The following RNF2 variants were observed in gnomAD, a reference collection of about 807,000 sequenced individuals.
RNF2 encodes E3 ubiquitin-protein ligase RING2.
Under a neutral mutation model 37.2 loss-of-function variants are expected in RNF2, and 6 were observed. The observed-to-expected ratio is 0.16, with a 90% CI of 0.09 to 0.32. RNF2 has a LOEUF of 0.32. RNF2 is among the 10% of genes least tolerant of loss of function. The pLI, the probability that RNF2 is intolerant of heterozygous loss-of-function variation, is 1.00. For missense variants in RNF2, 251 were observed against 404.0 expected (o/e 0.62, Z 3.25); for synonymous variants, 133 against 132.7 (o/e 1.00, Z -0.02).
intron 1 of RNF2, among the ~76,000 whole-genome samples, chr1:185,059,840 C>T (rs1300749657): frequency 6.6e-6 from 1 of 152,106 alleles, no homozygotes; most frequent in African/African-American, 2.4e-5. Context: ...TGGGTTATTC[C>T]AGTTCCTGTT....
intron 1 of RNF2, among the ~76,000 whole-genome samples, chr1:185,079,930 GAA>G (rs372875470): frequency 1.4e-5 from 2 of 142,102 alleles, no homozygotes; most frequent in African/African-American, 2.6e-5. Context: ...GACTGTCTCA[GAA>G]AAAAAAAAAA....
chr1:185,087,165 T>C (rs549005003), intron 1 of RNF2, among the ~76,000 whole-genome samples: 38 of 152,340 alleles, frequency 2.5e-4, no homozygotes, highest in African/African-American at 8.9e-4. Context: ...CCTATCTTAA[T>C]CCATTTAGCC....
Position 185,045,667 on chromosome 1 carries a change from G to C in RNF2, c.-3+18G>C, listed in dbSNP as rs551228087. 22 of 152,654 alleles carry C rather than the reference G, an allele frequency of 1.4e-4. No homozygotes were observed. Among genetic ancestry groups the C allele is most frequent in the African/African-American group, 5.3e-4 (22 of 41,562 alleles). 9.5% of individuals were successfully genotyped at this position (152,654 alleles called of 1,614,324 possible). ...AGGAGCCGGTGAGTGGGGCGGGCGG[G>C]GAGGCGAAGGACGCGGAAGCAGCGG... On this transcript the variant is annotated intron_variant, in intron 1 of 6. Transcript: ENST00000367510.
Position 185,101,118 on chromosome 1 carries a change from G to T in RNF2, c.*817G>T, listed in dbSNP as rs750050569. 2 of 152,390 alleles carry T rather than the reference G, an allele frequency of 1.3e-5. No individual in the cohort carries two copies. Among genetic ancestry groups the T allele is most frequent in the Non-Finnish European group, 2.9e-5 (2 of 67,950 alleles). The allele number at this position is 152,390 out of a possible 1,614,324, so 9.4% of individuals were successfully genotyped here. On this transcript the variant is annotated 3_prime_UTR_variant, in exon 7 of 7. Coordinates refer to ENST00000367510, the MANE Select transcript of RNF2 (RefSeq NM_007212.4). ...TGTCACTTCATTTCCTGTATTATAT[G>T]TGATGTTTTTCCCCATTAAAATACC... is the stretch of plus-strand genomic sequence containing the variant.
chr1:185,079,405 G>A (rs1027491390), intron 1 of RNF2, among the ~76,000 whole-genome samples: 4 of 152,096 alleles, frequency 2.6e-5, no homozygotes, highest in Non-Finnish European at 5.9e-5. Context: ...AAATAGGTCA[G>A]TTTTCTAGAA....
rs557605878 is a variant in RNF2, at chr1:185,096,561, G to T, written c.465-1511G>T. On this transcript the variant is annotated intron_variant, in intron 4 of 6. Transcript: ENST00000367510. ...ATCGTGCTGTATTTGTACTTTTGGG[G>T]TTTTTTTTTTGTTGTTGTTATTTAC... Among the ~76,000 whole-genome samples, 49 of 146,746 alleles carry T rather than the reference G, an allele frequency of 3.3e-4. 1 individual carries two copies. In the East Asian group the frequency reaches 5.0e-3, roughly 15 times the overall value.
intron 3 of RNF2, 35 bp downstream of exon 3, chr1:185,091,774 A>G (rs369869181): frequency 3.1e-5 from 48 of 1,542,540 alleles, no homozygotes; most frequent in Non-Finnish European, 2.3e-5. Flanking sequence ...TAGGTACTTA[A>G]TTGTACCACG....
In RNF2 at chr1:185,100,271, T is replaced by G; in HGVS notation, c.981T>G (p.Leu327=). The G allele has an allele frequency of 1.9e-6, 3 of 1,612,042 alleles. No homozygotes were observed. The highest frequency in any genetic ancestry group is 2.5e-6 in the Non-Finnish European group (3 of 1,179,284). ...GGAAAGTGAACAAACCCATGGAACT[T>G]TATTACGCACCTACAAAGGAGCACA... ...KYWKVNKPME[L]YYAPTKEHK is the part of the protein sequence containing the mutation. Residue 327 remains leucine, a synonymous_variant, in exon 7 of 7, where the codon CTT becomes CTG. Transcript: ENST00000367510.
chr1:185,066,768 G>T (rs1359881105), intron 1 of RNF2, among the ~76,000 whole-genome samples: 2 of 152,280 alleles, frequency 1.3e-5, no homozygotes, highest in East Asian at 3.9e-4. Context: ...CTTGATAGGT[G>T]TATCTTAAAA....
At chr1:185,075,828 CGAA>C (rs1651133380) in intron 1 of RNF2, among the ~76,000 whole-genome samples, 3 of 152,188 alleles carry the variant, frequency 2.0e-5, no homozygotes, top group African/African-American at 7.2e-5. Context: ...GAGATTTGGG[CGAA>C]GCCACAAATC....
chr1:185,049,546 C>T (rs1224125719), intron 1 of RNF2, among the ~76,000 whole-genome samples: 1 of 151,746 alleles, frequency 6.6e-6, no homozygotes, highest in African/African-American at 2.4e-5. Context: ...AGTGAAGCAA[C>T]AAGATATCTG....
chr1:185,092,161 C>G (rs1389175552), intron 3 of RNF2, among the ~76,000 whole-genome samples: 1 of 150,832 alleles, frequency 6.6e-6, no homozygotes, highest in Non-Finnish European at 1.5e-5. Flanking sequence ...TCTCCTTTTT[C>G]TTCTTTCCCC....
intron 1 of RNF2, among the ~76,000 whole-genome samples, chr1:185,055,492 C>A (rs940909615): frequency 2.6e-5 from 4 of 152,182 alleles, no homozygotes; most frequent in African/African-American, 9.6e-5. Context: ...GCTATCTCAG[C>A]TCACTGCAGC....
At chr1:185,091,417 C>A in intron 2 of RNF2, 162 bp from the exon 3 acceptor site, 1 of 188,738 alleles carries the variant, frequency 5.3e-6, no homozygotes, top group Non-Finnish European at 9.9e-6. Context: ...GAGCTGTAGG[C>A]GATTATAGTT....
At chr1:185,065,090 T>C (rs1650760117) in intron 1 of RNF2, among the ~76,000 whole-genome samples, 2 of 152,212 alleles carry the variant, frequency 1.3e-5, no homozygotes. Flanking sequence ...GATTGTAAGA[T>C]GCACCAGTCA....
chr1:185,061,874 A>T (rs1243003014), intron 1 of RNF2, among the ~76,000 whole-genome samples: 1 of 152,230 alleles, frequency 6.6e-6, no homozygotes, highest in Admixed American at 6.5e-5. Context: ...ATGCTACTTA[A>T]CATAAAGGTT....
chr1:185,054,674 T>C (rs1176199975), intron 1 of RNF2, among the ~76,000 whole-genome samples: 5 of 151,292 alleles, frequency 3.3e-5, no homozygotes. Context: ...CTTTTTAATC[T>C]TTCTTTGTGG....
chr1:185,099,158 T>C (rs1373059937), intron 5 of RNF2, among the ~76,000 whole-genome samples: 1 of 151,740 alleles, frequency 6.6e-6, no homozygotes, highest in African/African-American at 2.4e-5. Context: ...TTCAAGCGAT[T>C]CTCCTGCCTC....
At chr1:185,067,641 T>C (rs985182241) in intron 1 of RNF2, among the ~76,000 whole-genome samples, 3 of 151,776 alleles carry the variant, frequency 2.0e-5, no homozygotes, top group Admixed American at 1.3e-4. Context: ...CTTAGGGAAG[T>C]GTATATCAAA....
Sources: gnomAD v4.1 joint callset for allele counts (sites outside exome capture counted in the v4.1 genomes callset) on GRCh38, gnomAD v4.1.1 for gene constraint, MANE v1.5 for transcripts, NCBI Gene and HGNC (gene_info 2026-07-23, HGNC 2026-07-21) for gene names.